The following GABRA2 variants were observed in gnomAD, a reference collection of about 807,000 sequenced individuals.
GABRA2 encodes gamma-aminobutyric acid receptor subunit alpha-2.
In GABRA2, 16 loss-of-function variants were observed where a neutral mutation model predicts 48.7. The ratio of observed to expected loss-of-function variants is 0.33; its 90% confidence interval spans 0.22 to 0.50. GABRA2 has a LOEUF of 0.50. GABRA2 is among the 20% of genes least tolerant of loss of function. GABRA2 has a pLI of 0.98. For synonymous variants in GABRA2, 185 were observed against 184.5 expected (o/e 1.00, Z -0.02); for missense variants, 275 against 535.6 (o/e 0.51, Z 4.80).
At chr4:46,303,636 C>G (rs377118407) in intron 7 of GABRA2, 24 bp from the exon 8 acceptor site, 1 of 1,603,284 alleles carries the variant, frequency 6.2e-7, no homozygotes, top group East Asian at 2.2e-5. Context: ...TTAAGAAGCT[C>G]AAGGAGTAAT....
At position 46,389,516 on chromosome 4, in the gene GABRA2, G is replaced by A. The variant is rs954131474; in HGVS notation, c.-11+219C>T. 1.4e-5 allele frequency: 8 copies of A among 579,172 alleles called. No homozygotes were observed. The South Asian group carries it at 4.5e-4, about 33-fold the overall frequency. 35.9% of individuals were successfully genotyped at this position (579,172 alleles called of 1,614,324 possible). ...AAAAGAGCCAGGCTAACGTGCTGCCGAGCAGGTGTCCTGGATTTTATTGTA... is the reference window on the plus strand; with the variant it reads ...AAAAGAGCCAGGCTAACGTGCTGCCAAGCAGGTGTCCTGGATTTTATTGTA... On this transcript the variant is annotated intron_variant, in intron 1 of 9. Transcript: ENST00000381620.
At chr4:46,361,093 A>C (rs1713105303) in intron 3 of GABRA2, among the ~76,000 whole-genome samples, 1 of 152,232 alleles carries the variant, frequency 6.6e-6, no homozygotes, top group Admixed American at 6.5e-5. Flanking sequence ...AATAGAAAAG[A>C]AAATCCCATT....
intron 3 of GABRA2, among the ~76,000 whole-genome samples, chr4:46,383,660 A>G (rs1717061272): frequency 6.6e-6 from 1 of 152,196 alleles, no homozygotes; most frequent in Admixed American, 6.5e-5. Flanking sequence ...GACTGGTTAA[A>G]AAAATTTGAG....
intron 3 of GABRA2, among the ~76,000 whole-genome samples, chr4:46,373,420 T>C (rs912204226): frequency 6.6e-6 from 1 of 152,228 alleles, no homozygotes; most frequent in Admixed American, 6.5e-5. Context: ...TCCTCACTAC[T>C]ACATTGTCTT....
chr4:46,380,127 A>G (rs1327007343), intron 3 of GABRA2, among the ~76,000 whole-genome samples: 1 of 152,186 alleles, frequency 6.6e-6, no homozygotes, highest in African/African-American at 2.4e-5. Context: ...TGTCCCTAAA[A>G]TCATCATTTA....
chr4:46,329,916 A>C (rs556657817), intron 4 of GABRA2, among the ~76,000 whole-genome samples: 1 of 152,112 alleles, frequency 6.6e-6, no homozygotes, highest in Non-Finnish European at 1.5e-5. Flanking sequence ...TTTTTAGGCT[A>C]GATGAATTAA....
chr4:46,389,252 G>T, intron 1 of GABRA2: 1 of 985,464 alleles, frequency 1.0e-6, no homozygotes, highest in South Asian at 4.7e-5. Context: ...CGGTCCTCAC[G>T]TCTTCTTTTC....
chr4:46,293,996 G>A (rs182945793), intron 8 of GABRA2, among the ~76,000 whole-genome samples: 5 of 152,300 alleles, frequency 3.3e-5, no homozygotes, highest in Admixed American at 2.0e-4. Flanking sequence ...CCTGGTACCT[G>A]GTATGCAGCC....
intron 3 of GABRA2, among the ~76,000 whole-genome samples, chr4:46,381,117 C>T (rs1175569473): frequency 6.6e-6 from 1 of 152,072 alleles, no homozygotes; most frequent in Non-Finnish European, 1.5e-5. Flanking sequence ...CAGGCTGAAT[C>T]TATAATTTAG....
chr4:46,273,282 G>C (rs998478518), intron 8 of GABRA2, among the ~76,000 whole-genome samples: 1 of 151,284 alleles, frequency 6.6e-6, no homozygotes, highest in Non-Finnish European at 1.5e-5. Flanking sequence ...TGTTCTCTGA[G>C]ATTTCTGGAT....
At chr4:46,356,464 C>T (rs1300159739) in intron 3 of GABRA2, among the ~76,000 whole-genome samples, 1 of 148,022 alleles carries the variant, frequency 6.8e-6, no homozygotes, top group Non-Finnish European at 1.5e-5. Context: ...CACTGTTTTA[C>T]AGCTTCCCAC....
chr4:46,354,272 G>T (rs571773711), intron 3 of GABRA2, among the ~76,000 whole-genome samples: 2 of 152,232 alleles, frequency 1.3e-5, no homozygotes, highest in South Asian at 2.1e-4. Context: ...GATGTTAACT[G>T]CTGTGACATG....
chr4:46,380,068 C>A (rs1245246881), intron 3 of GABRA2, among the ~76,000 whole-genome samples: 1 of 152,150 alleles, frequency 6.6e-6, no homozygotes, highest in African/African-American at 2.4e-5. Flanking sequence ...GTTGAGGTGT[C>A]TGGTACATCC....
intron 3 of GABRA2, among the ~76,000 whole-genome samples, chr4:46,359,051 G>C (rs748612869): frequency 6.6e-6 from 1 of 152,034 alleles, no homozygotes; most frequent in Non-Finnish European, 1.5e-5. Flanking sequence ...TTCATTTTCA[G>C]ACATGACATC....
intron 3 of GABRA2, among the ~76,000 whole-genome samples, chr4:46,379,653 G>A (rs1359873130): frequency 6.6e-6 from 1 of 152,092 alleles, no homozygotes; most frequent in Non-Finnish European, 1.5e-5. Context: ...TGAACTTTAG[G>A]AGACCCCAGG....
At chr4:46,304,436 A>T (rs2109633240) in intron 7 of GABRA2, among the ~76,000 whole-genome samples, 2 of 152,150 alleles carry the variant, frequency 1.3e-5, no homozygotes, top group South Asian at 4.1e-4. Context: ...AAAATGTAAG[A>T]TAATTAGTCC....
Position 46,312,495 on chromosome 4 carries a change from C to A in GABRA2, c.476+1G>T. 6.3e-7 allele frequency: 1 copy of A among 1,594,888 alleles called. No homozygotes were observed. The highest frequency in any genetic ancestry group is 8.6e-7 in the Non-Finnish European group (1 of 1,165,418). On this transcript the variant is annotated splice_donor_variant, in intron 5 of 9. Transcript: ENST00000381620. LOFTEE classifies it high-confidence loss of function. ...ACATCACATCAAACCTAAAAACATA[C>A]CTCATGGTATACAGCAGAGTCCCAT...
intron 3 of GABRA2, among the ~76,000 whole-genome samples, chr4:46,353,668 TC>T (rs1278540779): frequency 6.6e-6 from 1 of 152,100 alleles, no homozygotes; most frequent in East Asian, 1.9e-4. Flanking sequence ...TTTTCAGTCA[TC>T]CATATAGGTG....
At chr4:46,282,140 A>G (rs1402323016) in intron 8 of GABRA2, among the ~76,000 whole-genome samples, 1 of 152,210 alleles carries the variant, frequency 6.6e-6, no homozygotes, top group African/African-American at 2.4e-5. Flanking sequence ...TACAAATAGC[A>G]GAGTGAGGGT....
Sources: allele counts gnomAD v4.1 joint callset (sites outside exome capture counted in the v4.1 genomes callset), GRCh38; gene constraint gnomAD v4.1.1; transcripts MANE v1.5; gene names NCBI Gene and HGNC (gene_info 2026-07-23, HGNC 2026-07-21).